MCAM: variants seen among roughly 807,000 people sequenced by gnomAD.
MCAM encodes cell surface glycoprotein MUC18.
MCAM carries 55 observed loss-of-function variants against 79.1 expected under a neutral mutation model. The observed-to-expected ratio is 0.70, with a 90% confidence interval of 0.56 to 0.87. The LOEUF is 0.87. MCAM is among the 40% of genes least tolerant of loss of function. MCAM has a pLI of 0.00. For missense variants in MCAM, 745 were observed against 839.8 expected (o/e 0.89, Z 1.40); for synonymous variants, 330 against 339.8 (o/e 0.97, Z 0.32).
chr11:119,311,593 C>A lies in MCAM; in HGVS notation c.1344G>T (p.Leu448Phe), dbSNP rs753088799. The A allele has an allele frequency of 6.2e-7, 1 of 1,614,046 alleles. No homozygotes were observed. The highest frequency in any genetic ancestry group is 8.5e-7 in the Non-Finnish European group (1 of 1,180,034). Residue 448 changes from leucine (L) to phenylalanine (F), a missense_variant, in exon 11 of 16, where the codon TTG becomes TTT. Coordinates refer to ENST00000264036, the MANE Select transcript of MCAM (RefSeq NM_006500.3). The surrounding 1 kb of genome is among the most constrained non-coding windows in gnomAD (Gnocchi z 4.4). ...GCCCTGACGCTTCACAAGACAGATT[C>A]AACACCATATTCTCTTTCACCCACA... ...RKVWVKENMV[L>F]NLSCEASGHP... is the part of the protein sequence containing the mutation.
rs1565280056 is a variant in MCAM, at chr11:119,311,585, G to A, written c.1352C>T (p.Ser451Phe). The change falls in exon 11 of 16, where the codon TCT becomes TTT. Residue 451 changes from serine (S) to phenylalanine (F), a missense_variant. Physicochemically the swap from Ser to Phe is radical, Grantham distance 155. Coordinates refer to ENST00000264036, the MANE Select transcript of MCAM (RefSeq NM_006500.3). The surrounding 1 kb of genome is among the most constrained non-coding windows in gnomAD (Gnocchi z 4.4). ...CCGGGGGTGCCCTGACGCTTCACAA[G>A]ACAGATTCAACACCATATTCTCTTT... Reference protein sequence around the residue: ...WVKENMVLNLSCEASGHPRPT... With the variant: ...WVKENMVLNLFCEASGHPRPT... The A allele has an allele frequency of 6.2e-7, 1 of 1,614,122 alleles. No individual in the cohort carries two copies. Among genetic ancestry groups the A allele is most frequent in the South Asian group, 1.1e-5 (1 of 91,078 alleles).
chr11:119,313,935 T>C (rs1950272857), intron 5 of MCAM: 1 of 950,450 alleles, frequency 1.1e-6, no homozygotes. Flanking sequence ...TATATCATTC[T>C]AGAAATATTT....
intron 15 of MCAM, 48 bp from the exon 16 acceptor site, chr11:119,309,963 T>A (rs940753470): frequency 1.3e-6 from 2 of 1,503,088 alleles, no homozygotes; most frequent in Non-Finnish European, 1.8e-6. Context: ...CGGTGCTGAG[T>A]TGAAGGTGTG....
At position 119,308,614 on chromosome 11, in the gene MCAM, C is replaced by T. The variant is rs1489488657; in HGVS notation, c.*1272G>A. The T allele has an allele frequency of 6.0e-5, 9 of 151,206 alleles. No individual in the cohort carries two copies. The East Asian group carries it at 1.7e-3, about 29-fold the overall frequency. The allele number at this position is 151,206 out of a possible 1,614,324, so 9.4% of individuals were successfully genotyped here. A position where few individuals can be genotyped will look rare whatever the true frequency, so the allele number is the denominator to read the frequency against. The stretch of plus-strand genomic sequence containing the variant: ...ATACATATATAAAGGAAACAATTTG[C>T]AAATTTACACACCTGACAAAACCAT... On this transcript the variant is annotated 3_prime_UTR_variant, in exon 16 of 16. Transcript: ENST00000264036.
chr11:119,314,696 T>C lies in MCAM; in HGVS notation c.454A>G (p.Ser152Gly). Residue 152 changes from serine to glycine, a missense_variant, in exon 4 of 16, where the codon AGT becomes GGT. Physicochemically the swap from Ser to Gly is moderately conservative, Grantham distance 56. Coordinates refer to ENST00000264036, the MANE Select transcript of MCAM (RefSeq NM_006500.3). ...CATCTCACCTCCTCAGGCTCCTTAC[T>C]GTTCACAGGGATGCCCAGGGGGTTG... ...QVNPLGIPVN[S>G]KEPEEVATCV... 3 of 1,614,020 alleles carry C rather than the reference T, an allele frequency of 1.9e-6. No individual in the cohort carries two copies. Among genetic ancestry groups the C allele is most frequent in the Non-Finnish European group, 2.5e-6 (3 of 1,180,002 alleles).
chr11:119,314,599 CT>C (rs780180570), intron 4 of MCAM, 23 bp from the exon 5 acceptor site: 131 of 1,612,310 alleles, frequency 8.1e-5, no homozygotes, highest in Non-Finnish European at 1.1e-4. Context: ...GGGTGTGAGT[CT>C]CCCTGCCTCC....
rs760312722 is a variant in MCAM, at chr11:119,312,243, G to C, written c.1024+23C>G. On this transcript the variant is annotated intron_variant, in intron 8 of 15. Transcript: ENST00000264036. This position sits in a 1 kb window ranked among gnomAD's most constrained non-coding sequence, Gnocchi z 4.9. Reference sequence around the variant, plus strand: ...CCTATTGCCCCAGCCTGGTCCCCCTGTCCTGGGTCCCCAGCCCCTCACAGT... The same window carrying C: ...CCTATTGCCCCAGCCTGGTCCCCCTCTCCTGGGTCCCCAGCCCCTCACAGT... The C allele has an allele frequency of 6.2e-7, 1 of 1,613,538 alleles. No individual in the cohort carries two copies. Among genetic ancestry groups the C allele is most frequent in the Non-Finnish European group, 8.5e-7 (1 of 1,179,596 alleles).
At position 119,314,763 on chromosome 11, in the gene MCAM, G is replaced by A. The variant is rs746754274; in HGVS notation, c.401-14C>T. On this transcript the variant is annotated splice_polypyrimidine_tract_variant and intron_variant, in intron 3 of 15. Coordinates refer to ENST00000264036, the MANE Select transcript of MCAM (RefSeq NM_006500.3). ...CCTCCGGAGCTTCTACAAGAAAATA[G>A]AAATGAGGGGGACATCTGGCCACGT... 5.9e-5 allele frequency: 95 copies of A among 1,613,466 alleles called. No homozygotes were observed. Among genetic ancestry groups the A allele is most frequent in the Non-Finnish European group, 7.9e-5 (93 of 1,179,840 alleles).
In MCAM at chr11:119,311,636, G is replaced by A. The variant is rs1329060645; in HGVS notation, c.1301C>T (p.Ala434Val). 1.2e-6 allele frequency: 2 copies of A among 1,613,980 alleles called. No homozygotes were observed. Among genetic ancestry groups the A allele is most frequent in the Non-Finnish European group, 1.7e-6 (2 of 1,180,012 alleles). The change falls in exon 11 of 16, where the codon GCA (alanine) becomes GTA (valine). Residue 434 changes from alanine (A) to valine (V), a missense_variant. Physicochemically the swap from Ala to Val is moderately conservative, Grantham distance 64. Coordinates refer to ENST00000264036, the MANE Select transcript of MCAM (RefSeq NM_006500.3). This position sits in a 1 kb window ranked among gnomAD's most constrained non-coding sequence, Gnocchi z 4.4. ...CACCCACACCTTCCTCTCCTTGAATGCCATCCAAGGGGGGCCTTGGGGAGG... is the reference window on the plus strand; with the variant it reads ...CACCCACACCTTCCTCTCCTTGAATACCATCCAAGGGGGGCCTTGGGGAGG... Reference protein sequence around the residue: ...NVAIFGPPWMAFKERKVWVKE... With the variant: ...NVAIFGPPWMVFKERKVWVKE...
At chr11:119,314,378 ACTC>A in intron 5 of MCAM, 108 bp downstream of exon 5, 1 of 964,922 alleles carries the variant, frequency 1.0e-6, no homozygotes, top group South Asian at 1.4e-5. Context: ...GTGGTCCTGA[ACTC>A]CTCACCTCCA....
chr11:119,313,429 CT>C (rs1163654307), intron 5 of MCAM: 174 of 898,974 alleles, frequency 1.9e-4, no homozygotes, highest in Non-Finnish European at 2.4e-4. Flanking sequence ...CAGAGTTTCA[CT>C]CTTGTTGCCC....
Position 119,309,321 on chromosome 11 carries a change from G to T in MCAM, c.*565C>A, listed in dbSNP as rs1200005794. ...CACCAGTTCCTGGCTTCTGACCAAA[G>T]AAAAAATGTCACAGGAGACTTTGAA... is the stretch of plus-strand genomic sequence containing the variant. On this transcript the variant is annotated 3_prime_UTR_variant, in exon 16 of 16. Coordinates refer to ENST00000264036, the MANE Select transcript of MCAM (RefSeq NM_006500.3). 1 of 154,076 alleles carries T rather than the reference G, an allele frequency of 6.5e-6. No homozygotes were observed. The highest frequency in any genetic ancestry group is 1.4e-5 in the Non-Finnish European group (1 of 69,194). The allele number at this position is 154,076 out of a possible 1,614,324, so 9.5% of individuals were successfully genotyped here.
rs1950294009 is a variant in MCAM at position 119,315,184 on chromosome 11, G to A, written c.147C>T (p.Gly49=). Residue 49 remains glycine (G), a synonymous_variant, in exon 2 of 16, where the codon GGC becomes GGT. Coordinates refer to ENST00000264036, the MANE Select transcript of MCAM (RefSeq NM_006500.3). The surrounding 1 kb of genome is among the most constrained non-coding windows in gnomAD (Gnocchi z 4.4). The part of the protein sequence containing the change: ...EVGSTALLKC[G]LSQSQGNLSH... ...TGAGGTTGCCTTGGGACTGGGAGAG[G>A]CCGCACTTCAGAAGGGCTGTGCTGC... 11 of 1,613,268 alleles carry A rather than the reference G, an allele frequency of 6.8e-6. No homozygotes were observed. Among genetic ancestry groups the A allele is most frequent in the Non-Finnish European group, 9.3e-6 (11 of 1,180,004 alleles).
chr11:119,311,438 G>A lies in MCAM; in HGVS notation c.1408-17C>T. The A allele has an allele frequency of 6.2e-7, 1 of 1,613,952 alleles. No homozygotes were observed. ...TTCACTTGCCTGCGAGGAAAGGAAG[G>A]AGGCAGCTCAGGGGATGGGGAGGAT... is the stretch of plus-strand genomic sequence containing the variant. On this transcript the variant is annotated splice_polypyrimidine_tract_variant and intron_variant, in intron 11 of 15. Coordinates refer to ENST00000264036, the MANE Select transcript of MCAM (RefSeq NM_006500.3). This position sits in a 1 kb window ranked among gnomAD's most constrained non-coding sequence, Gnocchi z 4.4.
In MCAM at chr11:119,310,767, C is replaced by T. The variant is rs769651210; in HGVS notation, c.1782G>A (p.Gly594=). 3.7e-6 allele frequency: 6 copies of T among 1,614,014 alleles called. No individual in the cohort carries two copies. The highest frequency in any genetic ancestry group is 5.1e-6 in the Non-Finnish European group (6 of 1,180,006). ...KKGKLPCRRS[G]KQEITLPPSR... ...GGTGTTGGGCTTACATCTCCTGCTT[C>T]CCTGAGCGCCTGCACGGCAGCTTGC... Residue 594 remains glycine, a synonymous_variant, in exon 14 of 16, where the codon GGG becomes GGA. Coordinates refer to ENST00000264036, the MANE Select transcript of MCAM (RefSeq NM_006500.3).
chr11:119,311,064 C>T lies in MCAM; in HGVS notation c.1645+26G>A, dbSNP rs1338003105. Reference sequence around the variant, plus strand: ...GCAGAAAGGATGCCCTGGCACAGCCCTGTTCTCTTGCCAGGCCTGGCTTAC... The same window carrying T: ...GCAGAAAGGATGCCCTGGCACAGCCTTGTTCTCTTGCCAGGCCTGGCTTAC... On this transcript the variant is annotated intron_variant, in intron 13 of 15. Coordinates refer to ENST00000264036, the MANE Select transcript of MCAM (RefSeq NM_006500.3). This position sits in a 1 kb window ranked among gnomAD's most constrained non-coding sequence, Gnocchi z 4.4. The T allele has an allele frequency of 1.2e-6, 2 of 1,614,214 alleles. No individual in the cohort carries two copies. The highest frequency in any genetic ancestry group is 2.2e-5 in the East Asian group (1 of 44,888).
Position 119,310,363 on chromosome 11 carries a change from C to G in MCAM, c.1897G>C (p.Ala633Pro), listed in dbSNP as rs771668845. ...LLQGSSGDKR[A>P]PGDQGEKYID... ...CCGCCTCCTACCTGGTCTCCCGGAGCCCTCTTGTCACCGCTGCTGCCCTGC... is the reference window on the plus strand; with the variant it reads ...CCGCCTCCTACCTGGTCTCCCGGAGGCCTCTTGTCACCGCTGCTGCCCTGC... The change falls in exon 15 of 16, where the codon GCT becomes CCT. Residue 633 changes from alanine (A) to proline (P), a missense_variant. Physicochemically the swap from Ala to Pro is conservative, Grantham distance 27. Coordinates refer to ENST00000264036, the MANE Select transcript of MCAM (RefSeq NM_006500.3). 6.2e-7 allele frequency: 1 copy of G among 1,612,834 alleles called. No homozygotes were observed. Among genetic ancestry groups the G allele is most frequent in the Admixed American group, 1.7e-5 (1 of 60,024 alleles).
Position 119,315,323 on chromosome 11 carries a change from C to T in MCAM, c.68-60G>A. The stretch of plus-strand genomic sequence containing the variant: ...CAGCTCCGGCTGCTGTCCGCCCCTC[C>T]CCTCGCAGCGCTGCTGCAGCTGTTT... On this transcript the variant is annotated intron_variant, in intron 1 of 15. Coordinates refer to ENST00000264036, the MANE Select transcript of MCAM (RefSeq NM_006500.3). This position sits in a 1 kb window ranked among gnomAD's most constrained non-coding sequence, Gnocchi z 4.4. The T allele has an allele frequency of 2.6e-6, 4 of 1,553,638 alleles. No homozygotes were observed. Among genetic ancestry groups the T allele is most frequent in the Non-Finnish European group, 3.5e-6 (4 of 1,153,858 alleles).
Position 119,314,685 on chromosome 11 carries a change from AG to A in MCAM, c.464del (p.Pro155LeufsTer8). On this transcript the variant is annotated frameshift_variant, in exon 4 of 16. Transcript: ENST00000264036. LOFTEE classifies it high-confidence loss of function. The part of the protein sequence containing the change: ...PLGIPVNSKE[P>X]EEVATCVGRN... ...CACCTGCCACACATCTCACCTCCTC[AG>A]GCTCCTTACTGTTCACAGGGATGCC... 2 of 1,613,864 alleles carry A rather than the reference AG, an allele frequency of 1.2e-6. No individual in the cohort carries two copies. The highest frequency in any genetic ancestry group is 2.2e-5 in the South Asian group (2 of 91,072).
Sources: gnomAD v4.1 joint callset for allele counts on GRCh38, gnomAD v4.1.1 for gene constraint, Gnocchi (gnomAD v3.1) non-coding constraint, MANE v1.5 for transcripts, NCBI Gene and HGNC (gene_info 2026-07-23, HGNC 2026-07-21) for gene names.